MDGA2: variants seen among roughly 807,000 people sequenced by gnomAD.
MDGA2 encodes MAM domain-containing glycosylphosphatidylinositol anchor protein 2.
Under a neutral mutation model 117.8 loss-of-function variants are expected in MDGA2, and 40 were observed. The ratio of observed to expected loss-of-function variants is 0.34; its 90% CI spans 0.26 to 0.44. MDGA2 has a LOEUF of 0.44. Among genes scored for constraint, MDGA2 ranks in the 20% least tolerant of loss-of-function variants. The pLI is 1.00. For synonymous variants in MDGA2, 452 were observed against 439.0 expected, an observed-to-expected ratio of 1.03 and a Z score of -0.37; for missense variants, 1,123 against 1,250.6, an observed-to-expected ratio of 0.90 and a Z score of 1.54.
intron 1 of MDGA2, among the ~76,000 whole-genome samples, chr14:47,360,760 A>G (rs999748831): frequency 1.3e-5 from 2 of 152,172 alleles, no homozygotes; most frequent in Non-Finnish European, 2.9e-5. Flanking sequence ...CCTTGTAGAG[A>G]TATCTGTGCT....
At chr14:47,571,622 G>A (rs532790591) in intron 1 of MDGA2, among the ~76,000 whole-genome samples, 1 of 152,182 alleles carries the variant, frequency 6.6e-6, no homozygotes, top group African/African-American at 2.4e-5. Context: ...GATGAAGCTG[G>A]AAACCATCAT....
chr14:47,469,521 T>C (rs4900769), intron 1 of MDGA2, among the ~76,000 whole-genome samples: 29,033 of 152,130 alleles, frequency 0.19, 3,477 homozygotes, highest in East Asian at 0.53. Flanking sequence ...CCATGGTGTA[T>C]ATGTGCCACA....
At chr14:47,573,499 C>G (rs1437126388) in intron 1 of MDGA2, among the ~76,000 whole-genome samples, 1 of 152,304 alleles carries the variant, frequency 6.6e-6, no homozygotes, top group African/African-American at 2.4e-5. Flanking sequence ...ATCTTACACA[C>G]TGGTCTTTAA....
intron 6 of MDGA2, among the ~76,000 whole-genome samples, chr14:47,079,745 T>TTTTTTTTTTTTG (rs1566611970): frequency 1.4e-5 from 2 of 140,258 alleles, no homozygotes; most frequent in African/African-American, 5.4e-5. Context: ...TTTTTTTTTT[T>TTTTTTTTTTTTG]TTTTGAGACA....
intron 9 of MDGA2, among the ~76,000 whole-genome samples, chr14:46,952,613 C>A: frequency 6.6e-6 from 1 of 151,924 alleles, no homozygotes; most frequent in South Asian, 2.1e-4. Context: ...TCACAGCCTG[C>A]ACCTTTCTAT....
chr14:47,440,459 G>A lies in MDGA2; in HGVS notation c.281-138909C>T, dbSNP rs574072316. On this transcript the variant is annotated intron_variant, in intron 1 of 16. Coordinates refer to ENST00000399232, the MANE Select transcript of MDGA2 (RefSeq NM_001113498.3). Reference sequence around the variant, plus strand: ...CTGTCTCATGAAACCTTGTCTTAGCGTCTGCTTATTGGGACAGTGATGGCA... The same window carrying A: ...CTGTCTCATGAAACCTTGTCTTAGCATCTGCTTATTGGGACAGTGATGGCA... 5.9e-5 allele frequency among the ~76,000 whole-genome samples: 9 copies of A among 152,184 alleles called. No homozygotes were observed. The South Asian group carries it at 8.3e-4, about 14-fold the overall frequency.
intron 1 of MDGA2, among the ~76,000 whole-genome samples, chr14:47,583,261 G>C (rs117202724): frequency 2.6e-3 from 389 of 151,900 alleles, no homozygotes; most frequent in Non-Finnish European, 4.6e-3. Flanking sequence ...AGATTAGACT[G>C]TATGGTCAGG....
intron 10 of MDGA2, among the ~76,000 whole-genome samples, chr14:46,907,716 G>A (rs1264109261): frequency 6.6e-6 from 1 of 151,962 alleles, no homozygotes; most frequent in Non-Finnish European, 1.5e-5. Flanking sequence ...GGCATTCCTT[G>A]ACCACAATAT....
intron 3 of MDGA2, among the ~76,000 whole-genome samples, chr14:47,177,206 C>T (rs908087794): frequency 6.6e-6 from 1 of 152,134 alleles, no homozygotes; most frequent in African/African-American, 2.4e-5. Flanking sequence ...GTTGGTGGGA[C>T]TATAAACTAG....
At chr14:47,542,982 G>A (rs28370389) in intron 1 of MDGA2, among the ~76,000 whole-genome samples, 11,720 of 152,198 alleles carry the variant, frequency 0.077, 516 homozygotes, top group Middle Eastern at 0.11. Context: ...GGCCAAGCTA[G>A]GCAAATTGCT....
At chr14:46,919,960 A>T in intron 10 of MDGA2, 52 bp downstream of exon 10, 1 of 1,465,400 alleles carries the variant, frequency 6.8e-7, no homozygotes. Context: ...GATAACAACA[A>T]GGTCTTCACA....
intron 10 of MDGA2, among the ~76,000 whole-genome samples, chr14:46,893,330 G>A (rs1882951916): frequency 6.6e-6 from 1 of 151,852 alleles, no homozygotes; most frequent in Admixed American, 6.6e-5. Context: ...AATAGAACAT[G>A]GAAAAATGGC....
At chr14:47,392,071 A>T (rs1305140727) in intron 1 of MDGA2, among the ~76,000 whole-genome samples, 1 of 152,186 alleles carries the variant, frequency 6.6e-6, no homozygotes, top group Non-Finnish European at 1.5e-5. Context: ...TCAAATTTTC[A>T]GAATTTCAAA....
chr14:46,845,656 T>C (rs1880805429), intron 16 of MDGA2, 110 bp downstream of exon 16: 2 of 656,062 alleles, frequency 3.0e-6, no homozygotes, highest in Non-Finnish European at 5.0e-6. Flanking sequence ...AATTTCTAAA[T>C]AAACCAACTA....
intron 3 of MDGA2, among the ~76,000 whole-genome samples, chr14:47,171,433 C>T (rs953045405): frequency 4.6e-5 from 7 of 152,104 alleles, no homozygotes; most frequent in African/African-American, 7.2e-5. Flanking sequence ...TTTGGATTAA[C>T]TGGAAGAAAA....
chr14:47,088,435 G>C (rs980944029), intron 6 of MDGA2, among the ~76,000 whole-genome samples: 2 of 152,020 alleles, frequency 1.3e-5, no homozygotes, highest in African/African-American at 2.4e-5. Flanking sequence ...TGAAGGCATT[G>C]GTTTTCTACA....
chr14:47,576,590 A>G (rs1195614623), intron 1 of MDGA2, among the ~76,000 whole-genome samples: 1 of 152,222 alleles, frequency 6.6e-6, no homozygotes, highest in Non-Finnish European at 1.5e-5. Context: ...ATGAGAAGGG[A>G]GCCTTGCAAA....
chr14:46,868,335 A>T (rs1210874927), intron 14 of MDGA2, among the ~76,000 whole-genome samples: 1 of 151,938 alleles, frequency 6.6e-6, no homozygotes, highest in Non-Finnish European at 1.5e-5. Context: ...ATATTTATTA[A>T]TTTTTTTGGG....
chr14:47,242,688 T>G lies in MDGA2; in HGVS notation c.421-24493A>C, dbSNP rs533702692. Among the ~76,000 whole-genome samples the G allele has an allele frequency of 3.8e-4, 58 of 151,934 alleles. 2 individuals carry two copies. The highest frequency in any genetic ancestry group is 1.1e-3 in the African/African-American group (44 of 41,530). ...CCTTGGCTGCCTTCCCGCAGGGCAGTGCTCGGGACCTGCAGCCCGCCATGC... is the reference window on the plus strand; with the variant it reads ...CCTTGGCTGCCTTCCCGCAGGGCAGGGCTCGGGACCTGCAGCCCGCCATGC... On this transcript the variant is annotated intron_variant, in intron 2 of 16. Coordinates refer to ENST00000399232, the MANE Select transcript of MDGA2 (RefSeq NM_001113498.3).
Sources: gnomAD v4.1 joint callset for allele counts (sites outside exome capture counted in the v4.1 genomes callset) on GRCh38, gnomAD v4.1.1 for gene constraint, MANE v1.5 for transcripts, NCBI Gene and HGNC (gene_info 2026-07-23, HGNC 2026-07-21) for gene names.